The following CA5A variants were observed in gnomAD, a reference collection of about 807,000 sequenced individuals.
CA5A encodes the protein carbonic anhydrase 5A, mitochondrial.
Under a neutral mutation model 37.1 loss-of-function variants are expected in CA5A, and 28 were observed. That is an observed-to-expected ratio of 0.75 (90% confidence interval 0.56 to 1.03). The LOEUF (loss-of-function observed/expected upper bound fraction) is 1.03. CA5A is among the 50% of genes least tolerant of loss of function. The pLI is 0.00. For missense variants in CA5A, 444 were observed against 399.9 expected (o/e 1.11, Z -0.94); for synonymous variants, 171 against 158.4 (o/e 1.08, Z -0.60).
Position 87,926,944 on chromosome 16 carries a change from C to T in CA5A, c.144G>A (p.Leu48=), listed in dbSNP as rs1356653318. Residue 48 remains leucine (L), a splice_region_variant and synonymous_variant, in exon 2 of 7, where the codon TTG becomes TTA. Coordinates refer to ENST00000649794, the MANE Select transcript of CA5A (RefSeq NM_001739.2). ...SCAWQTSNNT[L]HPLWTVPVSV... ...AGACCGGGACCGTCCAGAGTGGGTG[C>T]ACTGCAGGGAGAGAGACGGAGACCC... 3 of 1,568,814 alleles carry T rather than the reference C, an allele frequency of 1.9e-6. No individual in the cohort carries two copies. Among genetic ancestry groups the T allele is most frequent in the Non-Finnish European group, 2.6e-6 (3 of 1,154,412 alleles).
intron 2 of CA5A, among the ~76,000 whole-genome samples, chr16:87,922,024 C>T (rs866992679): frequency 5.3e-5 from 8 of 152,058 alleles, no homozygotes; most frequent in African/African-American, 1.7e-4. Context: ...TGCACCACCA[C>T]GTCCAGCTAA....
At chr16:87,918,135 A>G (rs1251206475) in intron 2 of CA5A, among the ~76,000 whole-genome samples, 7 of 152,142 alleles carry the variant, frequency 4.6e-5, no homozygotes, top group Non-Finnish European at 8.8e-5. Context: ...GCACCCCCCA[A>G]TTCCGGGCTC....
rs1224397743 is a variant in CA5A at position 87,911,339 on chromosome 16, G to A, written c.341-6435C>T. Among the ~76,000 whole-genome samples, 6 of 152,158 alleles carry A rather than the reference G, an allele frequency of 3.9e-5. No individual in the cohort carries two copies. The highest frequency in any genetic ancestry group is 1.9e-4 in the East Asian group (1 of 5,198). ...ATAATAACAGATGACGTTTGGGGCC[G>A]GCTCCAGGCTGTGACGTGCTGGCCC... On this transcript the variant is annotated intron_variant, in intron 2 of 6. Transcript: ENST00000649794. The surrounding 1 kb of genome is among the most constrained non-coding windows in gnomAD (Gnocchi z 4.6).
intron 1 of CA5A, among the ~76,000 whole-genome samples, chr16:87,932,176 T>A (rs2144100616): frequency 6.6e-6 from 1 of 152,006 alleles, no homozygotes; most frequent in African/African-American, 2.4e-5. Flanking sequence ...GGAAGCAGGA[T>A]TGAGTGCACT....
chr16:87,914,376 G>A (rs767801505), intron 2 of CA5A, among the ~76,000 whole-genome samples: 1 of 152,198 alleles, frequency 6.6e-6, no homozygotes, highest in Non-Finnish European at 1.5e-5. Context: ...CAGCACTGAG[G>A]GGTGGGATGA....
chr16:87,913,660 C>T (rs979654837), intron 2 of CA5A, among the ~76,000 whole-genome samples: 3 of 131,238 alleles, frequency 2.3e-5, no homozygotes, highest in Non-Finnish European at 4.7e-5. Context: ...GTGGCCCCCC[C>T]CTCCTCTCCA....
chr16:87,891,488 A>G (rs1267613877), intron 6 of CA5A, among the ~76,000 whole-genome samples: 19 of 151,912 alleles, frequency 1.3e-4, no homozygotes, highest in Admixed American at 1.2e-3. Flanking sequence ...AAGGAAAGAA[A>G]AGAAAAAGGA....
chr16:87,924,373 C>G (rs1289852680), intron 2 of CA5A: 2 of 955,366 alleles, frequency 2.1e-6, no homozygotes, highest in African/African-American at 3.5e-5. Flanking sequence ...AGGACCAAGC[C>G]GTGGTGTTTG....
intron 2 of CA5A, among the ~76,000 whole-genome samples, chr16:87,917,821 G>A (rs1220748953): frequency 2.1e-5 from 3 of 143,610 alleles, no homozygotes; most frequent in South Asian, 4.9e-4. Flanking sequence ...ACATGCACAC[G>A]AACACACATG....
In CA5A at chr16:87,932,106, C is replaced by T. The variant is rs150949774; in HGVS notation, c.142+4203G>A. On this transcript the variant is annotated intron_variant, in intron 1 of 6. Transcript: ENST00000649794. ...GCCAGCCTGAGCAACAAGAGGCAGA[C>T]TCCGTCTAAGAAAAAAAAAAGCCCC... Among the ~76,000 whole-genome samples the T allele has an allele frequency of 1.2e-3, 179 of 152,168 alleles. No individual in the cohort carries two copies. In the Middle Eastern group the frequency reaches 0.017, roughly 14 times the overall value.
At chr16:87,928,873 G>T (rs568981711) in intron 1 of CA5A, among the ~76,000 whole-genome samples, 1 of 143,432 alleles carries the variant, frequency 7.0e-6, no homozygotes, top group Non-Finnish European at 1.5e-5. Flanking sequence ...GGTTCAAGTG[G>T]TTCTACTGCC....
exon 5 of CA5A, chr16:87,881,803 G>C (rs1436594779): frequency 6.6e-6 from 1 of 152,222 alleles, no homozygotes; most frequent in African/African-American, 2.4e-5. Context: ...CGTGTTTGTG[G>C]TTTCATCTCA....
intron 1 of CA5A, among the ~76,000 whole-genome samples, chr16:87,935,090 A>G (rs2144112556): frequency 6.6e-6 from 1 of 152,358 alleles, no homozygotes; most frequent in South Asian, 2.1e-4. Context: ...TTGGGGGTGA[A>G]GACCTGCCGA....
intron 5 of CA5A, among the ~76,000 whole-genome samples, chr16:87,898,060 C>T (rs2055828430): frequency 6.6e-6 from 1 of 152,156 alleles, no homozygotes; most frequent in Non-Finnish European, 1.5e-5. Context: ...CCCTTGGAGC[C>T]CTGAGCACTG....
At chr16:87,925,130 C>A (rs1183697895) in intron 2 of CA5A, among the ~76,000 whole-genome samples, 2 of 152,198 alleles carry the variant, frequency 1.3e-5, no homozygotes, top group Non-Finnish European at 2.9e-5. Context: ...GTGGGACGCA[C>A]CCGGGAGGAG....
intron 2 of CA5A, among the ~76,000 whole-genome samples, chr16:87,916,592 T>G (rs1275492280): frequency 7.9e-5 from 12 of 152,226 alleles, no homozygotes; most frequent in African/African-American, 2.9e-4. Context: ...ACCATCTTCT[T>G]TCTTATGTAC....
intron 2 of CA5A, among the ~76,000 whole-genome samples, chr16:87,921,128 C>T (rs1301466354): frequency 2.0e-5 from 3 of 152,038 alleles, no homozygotes; most frequent in Non-Finnish European, 4.4e-5. Flanking sequence ...GGGCTTTCAC[C>T]ATATTGGCCA....
downstream of CA5A, chr16:87,883,322 CT>C (rs1474632659): frequency 2.1e-5 from 3 of 142,406 alleles, no homozygotes; most frequent in East Asian, 2.1e-4. Context: ...CGCGCCTAGC[CT>C]TAGTTTTTTT....
chr16:87,884,680 G>C (rs1299454518), downstream of CA5A: 3 of 152,300 alleles, frequency 2.0e-5, no homozygotes, highest in Non-Finnish European at 4.4e-5. Flanking sequence ...GTTGCAGTGA[G>C]CTGAGATCGT....
Sources: allele counts gnomAD v4.1 joint callset (sites outside exome capture counted in the v4.1 genomes callset), GRCh38; gene constraint gnomAD v4.1.1; non-coding constraint Gnocchi (gnomAD v3.1); transcripts MANE v1.5; gene names NCBI Gene and HGNC (gene_info 2026-07-23, HGNC 2026-07-21).